DAZAP1: variants seen among roughly 807,000 people sequenced by gnomAD.
DAZAP1 encodes the protein DAZ associated protein 1, also known as DAZ-associated protein 1.
Under a neutral mutation model 60.1 loss-of-function variants are expected in DAZAP1, and 6 were observed. The observed-to-expected ratio is 0.10, with a 90% CI of 0.05 to 0.20. The LOEUF (loss-of-function observed/expected upper bound fraction) is 0.20, where lower values mean the gene tolerates loss of function less well. Ranked by LOEUF, DAZAP1 falls within the 10% of genes least tolerant of loss-of-function variation. The pLI, the probability that DAZAP1 is intolerant of heterozygous loss-of-function variation, is 1.00. For synonymous variants in DAZAP1, 235 were observed against 215.9 expected, an observed-to-expected ratio of 1.09 and a Z score of -0.78; for missense variants, 366 against 560.4, an observed-to-expected ratio of 0.65 and a Z score of 3.50.
At position 1,432,835 on chromosome 19, in the gene DAZAP1, T is replaced by A; in HGVS notation, c.1048+145T>A. Reference sequence around the variant, plus strand: ...GAGGGAGGAGAGGGGGGTGTGGGGGTTGTTGGAGAGATCTCGTGGCAACTC... The same window carrying A: ...GAGGGAGGAGAGGGGGGTGTGGGGGATGTTGGAGAGATCTCGTGGCAACTC... On this transcript the variant is annotated intron_variant, in intron 11 of 11. Coordinates refer to ENST00000233078, the MANE Select transcript of DAZAP1 (RefSeq NM_018959.4). This position sits in a 1 kb window ranked among gnomAD's most constrained non-coding sequence, Gnocchi z 4.9. 1 of 962,256 alleles carries A rather than the reference T, an allele frequency of 1.0e-6. No homozygotes were observed. The highest frequency in any genetic ancestry group is 1.5e-6 in the Non-Finnish European group (1 of 657,878). 59.6% of individuals were successfully genotyped at this position (962,256 alleles called of 1,614,324 possible).
intron 2 of DAZAP1, 117 bp downstream of exon 2, chr19:1,417,657 T>G: frequency 1.0e-6 from 1 of 974,016 alleles, no homozygotes; most frequent in South Asian, 1.6e-5. Context: ...CCTTTTGACG[T>G]TGTTCTGATT....
At position 1,426,899 on chromosome 19, in the gene DAZAP1, G is replaced by C. The variant is rs528903143; in HGVS notation, c.546+939G>C. ...GAAGACGCTTAGCCCCTCTGACAGG[G>C]CCATGGTTGTTTTTTCAATTAAAAT... On this transcript the variant is annotated intron_variant, in intron 7 of 11. Coordinates refer to ENST00000233078, the MANE Select transcript of DAZAP1 (RefSeq NM_018959.4). This position sits in a 1 kb window ranked among gnomAD's most constrained non-coding sequence, Gnocchi z 5.4. 6.6e-6 allele frequency: 1 copy of C among 152,320 alleles called. No homozygotes were observed. The highest frequency in any genetic ancestry group is 1.9e-4 in the East Asian group (1 of 5,188). The allele number at this position is 152,320 out of a possible 1,614,324, so 9.4% of individuals were successfully genotyped here.
At chr19:1,413,643 A>G (rs760445103) in intron 1 of DAZAP1, among the ~76,000 whole-genome samples, 1 of 152,192 alleles carries the variant, frequency 6.6e-6, no homozygotes, top group African/African-American at 2.4e-5. Context: ...TCTCAACAGA[A>G]ACACACAGTG....
At chr19:1,410,764 A>G (rs1478295429) in intron 1 of DAZAP1, among the ~76,000 whole-genome samples, 2 of 152,206 alleles carry the variant, frequency 1.3e-5, no homozygotes, top group African/African-American at 4.8e-5. Flanking sequence ...CTGGCTTCCA[A>G]GGCAGCACAC....
rs943693283 is a variant in DAZAP1 at position 1,418,745 on chromosome 19, C to G, written c.303+14C>G. 1.1e-5 allele frequency: 17 copies of G among 1,597,400 alleles called. No homozygotes were observed. The highest frequency in any genetic ancestry group is 1.0e-4 in the Admixed American group (6 of 57,530). ...AAGGAAGGATGGGTAAGGGGCTGGG[C>G]CGGGCGGCCTCCTTGTGTGTTCTCC... On this transcript the variant is annotated intron_variant, in intron 4 of 11. Coordinates refer to ENST00000233078, the MANE Select transcript of DAZAP1 (RefSeq NM_018959.4). The surrounding 1 kb of genome is among the most constrained non-coding windows in gnomAD (Gnocchi z 5.7).
intron 5 of DAZAP1, among the ~76,000 whole-genome samples, chr19:1,421,865 G>T: frequency 6.6e-6 from 1 of 152,198 alleles, no homozygotes. Flanking sequence ...CACGGGCCTG[G>T]GCCAGGAATG....
At position 1,434,923 on chromosome 19, in the gene DAZAP1, C is replaced by T. The variant is rs374489305; in HGVS notation, c.*11C>T. On this transcript the variant is annotated 3_prime_UTR_variant, in exon 12 of 12. Coordinates refer to ENST00000233078, the MANE Select transcript of DAZAP1 (RefSeq NM_018959.4). The surrounding 1 kb of genome is among the most constrained non-coding windows in gnomAD (Gnocchi z 8.0). ...CCCTACCGACGCTAGCCCGCGGCGC[C>T]GCGACGTCTGCACGGCCCAGACCCA... The T allele has an allele frequency of 4.3e-5, 62 of 1,430,102 alleles. 1 individual carries two copies. The South Asian group carries it at 4.8e-4, about 11-fold the overall frequency. The allele number at this position is 1,430,102 out of a possible 1,614,324, so 88.6% of individuals were successfully genotyped here. A position where few individuals can be genotyped will look rare whatever the true frequency, so the allele number is the denominator to read the frequency against.
chr19:1,418,860 G>C lies in DAZAP1; in HGVS notation c.303+129G>C. 1.1e-6 allele frequency: 1 copy of C among 888,148 alleles called. No individual in the cohort carries two copies. Among genetic ancestry groups the C allele is most frequent in the Non-Finnish European group, 1.7e-6 (1 of 580,090 alleles). The allele number at this position is 888,148 out of a possible 1,614,324, so 55.0% of individuals were successfully genotyped here. A position where few individuals can be genotyped will look rare whatever the true frequency, so the allele number is the denominator to read the frequency against. ...ACGCAGGTCTTCTGGGTTGGCACTC[G>C]AGCAGCTGAGGATCACCCAGATTTA... is the stretch of plus-strand genomic sequence containing the variant. On this transcript the variant is annotated intron_variant, in intron 4 of 11. Coordinates refer to ENST00000233078, the MANE Select transcript of DAZAP1 (RefSeq NM_018959.4). The surrounding 1 kb of genome is among the most constrained non-coding windows in gnomAD (Gnocchi z 5.7).
At chr19:1,415,298 C>T (rs1490661595) in intron 1 of DAZAP1, among the ~76,000 whole-genome samples, 2 of 149,222 alleles carry the variant, frequency 1.3e-5, no homozygotes, top group Non-Finnish European at 1.5e-5. Flanking sequence ...GCAGTGCTGA[C>T]TACAGGCTGC....
In DAZAP1 at chr19:1,428,547, G is replaced by C. The variant is rs1040467651; in HGVS notation, c.547-295G>C. ...ACTTGAGTGAAAGACCCTTCGTCAC[G>C]CACGAAACCCCCGAGGGCTCTGGGC... On this transcript the variant is annotated intron_variant, in intron 7 of 11. Transcript: ENST00000233078. This position sits in a 1 kb window ranked among gnomAD's most constrained non-coding sequence, Gnocchi z 4.0. 1.9e-5 allele frequency: 6 copies of C among 320,918 alleles called. No homozygotes were observed. Among genetic ancestry groups the C allele is most frequent in the Admixed American group, 4.6e-5 (1 of 21,736 alleles). The allele number at this position is 320,918 out of a possible 1,614,324, so 19.9% of individuals were successfully genotyped here.
intron 1 of DAZAP1, among the ~76,000 whole-genome samples, chr19:1,413,989 CTGTGTG>C (rs3065755): frequency 0.01 from 1,325 of 130,142 alleles, 12 homozygotes; most frequent in African/African-American, 0.032. Context: ...CCCCAGTGAA[CTGTGTG>C]TGTGTGTGTG....
chr19:1,429,055 C>T, intron 8 of DAZAP1, 60 bp downstream of exon 8: 1 of 1,498,236 alleles, frequency 6.7e-7, no homozygotes, highest in Non-Finnish European at 8.9e-7. Context: ...GGCCCGCGCG[C>T]CCTGGGCTGT....
intron 1 of DAZAP1, among the ~76,000 whole-genome samples, chr19:1,413,648 A>G (rs1264539231): frequency 6.6e-6 from 1 of 152,186 alleles, no homozygotes; most frequent in Non-Finnish European, 1.5e-5. Context: ...ACAGAAACAC[A>G]CAGTGTGGCC....
rs1262962224 is a variant in DAZAP1 at position 1,422,930 on chromosome 19, C to G, written c.463+534C>G. ...GGAGGGGTGAGGAGTCACCTCAGGG[C>G]CTCCCCTCATTTTCCCTCAGCTTCT... On this transcript the variant is annotated intron_variant, in intron 6 of 11. Coordinates refer to ENST00000233078, the MANE Select transcript of DAZAP1 (RefSeq NM_018959.4). This position sits in a 1 kb window ranked among gnomAD's most constrained non-coding sequence, Gnocchi z 4.5. Among the ~76,000 whole-genome samples, 2 of 151,740 alleles carry G rather than the reference C, an allele frequency of 1.3e-5. No individual in the cohort carries two copies. Among genetic ancestry groups the G allele is most frequent in the Non-Finnish European group, 2.9e-5 (2 of 67,972 alleles).
intron 4 of DAZAP1, among the ~76,000 whole-genome samples, chr19:1,419,527 A>C (rs1354077333): frequency 2.0e-5 from 3 of 152,232 alleles, no homozygotes; most frequent in Non-Finnish European, 4.4e-5. Context: ...AGCACGCTGG[A>C]AAGCGGCTGC....
chr19:1,412,902 G>T (rs1362891956), intron 1 of DAZAP1, among the ~76,000 whole-genome samples: 1 of 152,204 alleles, frequency 6.6e-6, no homozygotes, highest in Non-Finnish European at 1.5e-5. Context: ...CAGGTTGCAA[G>T]GGAAGAAGTG....
intron 1 of DAZAP1, among the ~76,000 whole-genome samples, chr19:1,415,442 T>C (rs1288389702): frequency 2.0e-5 from 3 of 146,530 alleles, no homozygotes; most frequent in Non-Finnish European, 4.5e-5. Context: ...TTCCAAAGGA[T>C]TGTGTAAATG....
intron 1 of DAZAP1, among the ~76,000 whole-genome samples, chr19:1,413,989 CTGTG>C (rs3065755): frequency 0.023 from 3,005 of 130,108 alleles, 78 homozygotes; most frequent in East Asian, 0.095. Flanking sequence ...CCCCAGTGAA[CTGTG>C]TGTGTGTGTG....
Position 1,407,773 on chromosome 19 carries a change from C to A in DAZAP1, c.-1C>A. 2 of 1,088,672 alleles carry A rather than the reference C, an allele frequency of 1.8e-6. No individual in the cohort carries two copies. Among genetic ancestry groups the A allele is most frequent in the Non-Finnish European group, 2.2e-6 (2 of 897,106 alleles). The allele number at this position is 1,088,672 out of a possible 1,614,324, so 67.4% of individuals were successfully genotyped here. ...CGCCGAGCGTCGCCGCCGCCGCCGC[C>A]ATGAACAACTCGGGCGCCGACGAGA... On this transcript the variant is annotated 5_prime_UTR_variant, in exon 1 of 12. Transcript: ENST00000233078.
Sources: allele counts gnomAD v4.1 joint callset (sites outside exome capture counted in the v4.1 genomes callset), GRCh38; gene constraint gnomAD v4.1.1; non-coding constraint Gnocchi (gnomAD v3.1); transcripts MANE v1.5; gene names NCBI Gene and HGNC (gene_info 2026-07-23, HGNC 2026-07-21).